The following ST8SIA6 variants were observed in gnomAD, a reference collection of about 807,000 sequenced individuals.
ST8SIA6 encodes the protein alpha-2,8-sialyltransferase 8F.
A neutral mutation model predicts 33.6 loss-of-function variants in ST8SIA6; 39 were observed. That is an observed-to-expected ratio of 1.16 (90% CI 0.90 to 1.52). The LOEUF is 1.52. Among genes scored for constraint, ST8SIA6 ranks in the 40% most tolerant of loss-of-function variants. The pLI is 0.00. For missense variants in ST8SIA6, 441 were observed against 443.8 expected, an observed-to-expected ratio of 0.99 and a Z score of 0.06; for synonymous variants, 172 against 167.2, an observed-to-expected ratio of 1.03 and a Z score of -0.22.
At chr10:17,439,271 C>CTTT (rs146928120) in intron 2 of ST8SIA6, among the ~76,000 whole-genome samples, 3 of 124,222 alleles carry the variant, frequency 2.4e-5, no homozygotes, top group Non-Finnish European at 3.3e-5. Context: ...TCTTCCCTCT[C>CTTT]TTTTTTTTTT....
At chr10:17,362,833 T>G (rs896092818) in intron 3 of ST8SIA6, among the ~76,000 whole-genome samples, 25 of 152,266 alleles carry the variant, frequency 1.6e-4, no homozygotes, top group East Asian at 1.5e-3. Context: ...TGCCTCAGCC[T>G]CCTGAGTAGC....
intron 2 of ST8SIA6, 128 bp downstream of exon 2, chr10:17,453,431 A>T (rs563599654): frequency 6.2e-5 from 38 of 611,582 alleles, no homozygotes; most frequent in African/African-American, 5.1e-4. Context: ...AAACACACGC[A>T]CACTCTTACA....
chr10:17,332,850 T>G (rs1022360762), intron 4 of ST8SIA6, among the ~76,000 whole-genome samples: 1 of 152,184 alleles, frequency 6.6e-6, no homozygotes, highest in Non-Finnish European at 1.5e-5. Context: ...GTTGGCTGCA[T>G]AAAATGTCTT....
chr10:17,380,007 G>A (rs917732636), intron 3 of ST8SIA6, among the ~76,000 whole-genome samples: 3 of 152,124 alleles, frequency 2.0e-5, no homozygotes, highest in African/African-American at 7.2e-5. Context: ...ATTTGCTGAG[G>A]TCTGAGAGCA....
chr10:17,442,404 T>G (rs1852531448), intron 2 of ST8SIA6, among the ~76,000 whole-genome samples: 1 of 152,192 alleles, frequency 6.6e-6, no homozygotes, highest in Non-Finnish European at 1.5e-5. Flanking sequence ...AATGTGCCAT[T>G]TTTCTTCAAA....
At chr10:17,362,029 C>T (rs7909526) in intron 3 of ST8SIA6, among the ~76,000 whole-genome samples, 2 of 152,108 alleles carry the variant, frequency 1.3e-5, no homozygotes, top group South Asian at 4.2e-4. Flanking sequence ...TGCAAAAACA[C>T]CTATGGCTAG....
intron 3 of ST8SIA6, among the ~76,000 whole-genome samples, chr10:17,389,555 T>A (rs1021405827): frequency 6.6e-6 from 1 of 152,262 alleles, no homozygotes; most frequent in Admixed American, 6.5e-5. Context: ...TCCATGTAGA[T>A]GAGGCATGGA....
chr10:17,363,884 C>T (rs2131622876), intron 3 of ST8SIA6, among the ~76,000 whole-genome samples: 1 of 152,246 alleles, frequency 6.6e-6, no homozygotes, highest in East Asian at 1.9e-4. Context: ...TTCATTATCC[C>T]CATAGTTTGA....
intron 4 of ST8SIA6, among the ~76,000 whole-genome samples, chr10:17,351,446 A>G (rs561493371): frequency 6.7e-6 from 1 of 149,424 alleles, no homozygotes; most frequent in South Asian, 2.2e-4. Context: ...GGACATCTAT[A>G]TTTAACCTTC....
intron 2 of ST8SIA6, among the ~76,000 whole-genome samples, chr10:17,395,849 C>G (rs1007275541): frequency 1.3e-5 from 2 of 152,178 alleles, no homozygotes; most frequent in African/African-American, 4.8e-5. Flanking sequence ...TGCCATTACA[C>G]TCCAGCCTGG....
chr10:17,454,525 G>T lies in ST8SIA6; in HGVS notation c.-270C>A, dbSNP rs899845311. Among the ~76,000 whole-genome samples, 1 of 151,930 alleles carries T rather than the reference G, an allele frequency of 6.6e-6. No individual in the cohort carries two copies. The highest frequency in any genetic ancestry group is 2.4e-5 in the African/African-American group (1 of 41,418). ...ATCGGCTGGCAGATGACGATTCGCC[G>T]AGCTCGCCGCCTGTCCTCCCGGAGG... On this transcript the variant is annotated 5_prime_UTR_variant, in exon 1 of 8. Coordinates refer to ENST00000377602, the MANE Select transcript of ST8SIA6 (RefSeq NM_001004470.3). The surrounding 1 kb of genome is among the most constrained non-coding windows in gnomAD (Gnocchi z 4.1).
rs558637522 is a variant in ST8SIA6, at chr10:17,379,136, A to T, written c.290+11395T>A. Among the ~76,000 whole-genome samples, 6 of 122,534 alleles carry T rather than the reference A, an allele frequency of 4.9e-5. No individual in the cohort carries two copies. The East Asian group carries it at 6.5e-4, about 13-fold the overall frequency. The allele number at this position is 122,534 out of a possible 152,430, so 80.4% of individuals were successfully genotyped here. On this transcript the variant is annotated intron_variant, in intron 3 of 7. Coordinates refer to ENST00000377602, the MANE Select transcript of ST8SIA6 (RefSeq NM_001004470.3). ...AGTGAGACTCTGTCTCAAAAAAAAA[A>T]CAAAAACAAAAAAAACCGAAGGGAC...
chr10:17,347,424 G>A (rs764918574), intron 4 of ST8SIA6, among the ~76,000 whole-genome samples: 24 of 152,182 alleles, frequency 1.6e-4, no homozygotes, highest in Admixed American at 1.3e-4. Flanking sequence ...ACAGAGTAGC[G>A]TAAACGAGAG....
intron 2 of ST8SIA6, among the ~76,000 whole-genome samples, chr10:17,393,279 G>A (rs914582683): frequency 1.3e-5 from 2 of 152,194 alleles, no homozygotes; most frequent in Non-Finnish European, 1.5e-5. Context: ...GAGAAGGCAG[G>A]TCATGGGACT....
Position 17,323,121 on chromosome 10 carries a change from T to C in ST8SIA6, c.672A>G (p.Lys224=), listed in dbSNP as rs1196850680. The C allele has an allele frequency of 6.2e-7, 1 of 1,613,682 alleles. No homozygotes were observed. Among genetic ancestry groups the C allele is most frequent in the Non-Finnish European group, 8.5e-7 (1 of 1,179,830 alleles). Residue 224 remains lysine (K), a synonymous_variant, in exon 7 of 8, where the codon AAA becomes AAG. Transcript: ENST00000377602. ...NLPPTTGDVS[K]DVGSKTNLVT... is the part of the protein sequence containing the mutation. ...CAAGATTTGTTTTACTGCCAACATC[T>C]TTACTAACATCTCCTGTGGTTGGGG...
intron 4 of ST8SIA6, among the ~76,000 whole-genome samples, chr10:17,350,380 A>G (rs1157834992): frequency 2.8e-5 from 4 of 144,652 alleles, no homozygotes; most frequent in Non-Finnish European, 4.6e-5. Context: ...CTCACAATGA[A>G]TGCTTGCTTC....
intron 2 of ST8SIA6, among the ~76,000 whole-genome samples, chr10:17,423,537 C>G (rs1399538056): frequency 2.0e-5 from 3 of 152,182 alleles, no homozygotes. Flanking sequence ...TAATAATCTT[C>G]TCACACACTA....
chr10:17,415,752 C>G lies in ST8SIA6; in HGVS notation c.201-25132G>C, dbSNP rs189462610. Among the ~76,000 whole-genome samples, 8 of 151,142 alleles carry G rather than the reference C, an allele frequency of 5.3e-5. No homozygotes were observed. The East Asian group carries it at 1.6e-3, about 30-fold the overall frequency. On this transcript the variant is annotated intron_variant, in intron 2 of 7. Transcript: ENST00000377602. ...CTCTCTCACCCAACATGGCTCATCT[C>G]AAGCTCATCAAAAGCCCCCATGTTC...
At chr10:17,412,930 A>C (rs1851499789) in intron 2 of ST8SIA6, among the ~76,000 whole-genome samples, 1 of 152,216 alleles carries the variant, frequency 6.6e-6, no homozygotes, top group Non-Finnish European at 1.5e-5. Flanking sequence ...AATGTATTAA[A>C]TTGTCATGTG....
Sources: gnomAD v4.1 joint callset for allele counts (sites outside exome capture counted in the v4.1 genomes callset) on GRCh38, gnomAD v4.1.1 for gene constraint, Gnocchi (gnomAD v3.1) non-coding constraint, MANE v1.5 for transcripts, NCBI Gene and HGNC (gene_info 2026-07-23, HGNC 2026-07-21) for gene names.